Variants in TMEM200A observed in about 807,000 individuals in gnomAD.
TMEM200A encodes two transmembrane C.
TMEM200A carries 12 observed loss-of-function variants against 24.3 expected under a neutral mutation model. The ratio of observed to expected loss-of-function variants is 0.49; its 90% CI spans 0.32 to 0.80. The LOEUF is 0.80. Ranked by LOEUF, TMEM200A falls within the 30% of genes least tolerant of loss-of-function variation. The pLI is 0.04. For synonymous variants in TMEM200A, 224 were observed against 224.4 expected (o/e 1.00, Z 0.02); for missense variants, 545 against 614.4 (o/e 0.89, Z 1.19).
chr6:130,411,251 G>A (rs1779323942), intron 2 of TMEM200A, among the ~76,000 whole-genome samples: 1 of 151,936 alleles, frequency 6.6e-6, no homozygotes, highest in South Asian at 2.1e-4. Flanking sequence ...TGGGATGAAT[G>A]TCTTAGCTTA....
chr6:130,370,625 C>A (rs762838717), intron 1 of TMEM200A, among the ~76,000 whole-genome samples: 7 of 152,130 alleles, frequency 4.6e-5, no homozygotes, highest in Non-Finnish European at 1.0e-4. Context: ...AAAAGTGGGA[C>A]CTTTCTCCCA....
intron 2 of TMEM200A, among the ~76,000 whole-genome samples, chr6:130,397,782 C>A (rs1418272537): frequency 1.3e-5 from 2 of 151,248 alleles, no homozygotes; most frequent in East Asian, 3.9e-4. Context: ...GCATTGATTA[C>A]CCTTTCATAG....
At chr6:130,369,572 G>A (rs1778267809) in intron 1 of TMEM200A, among the ~76,000 whole-genome samples, 2 of 152,076 alleles carry the variant, frequency 1.3e-5, no homozygotes, top group Admixed American at 1.3e-4. Context: ...CTCCTCTAAG[G>A]TCCCCCTTTC....
intron 2 of TMEM200A, among the ~76,000 whole-genome samples, chr6:130,421,510 TTGTGTGTGTGTG>T (rs60156754): frequency 6.7e-6 from 1 of 148,928 alleles, no homozygotes; most frequent in African/African-American, 2.5e-5. Flanking sequence ...ACAGTTACCT[TTGTGTGTGTGTG>T]TGTGTGTGTG....
chr6:130,419,125 G>T (rs1026506617), intron 2 of TMEM200A, among the ~76,000 whole-genome samples: 1 of 152,100 alleles, frequency 6.6e-6, no homozygotes, highest in African/African-American at 2.4e-5. Context: ...CTACCTCTGT[G>T]AGATCCAATT....
intron 2 of TMEM200A, among the ~76,000 whole-genome samples, chr6:130,433,691 G>A (rs945484459): frequency 1.3e-5 from 2 of 152,200 alleles, no homozygotes; most frequent in Non-Finnish European, 2.9e-5. Context: ...TCAAGGCATA[G>A]ATTAATTTTT....
At chr6:130,398,841 T>C (rs1779016791) in intron 2 of TMEM200A, among the ~76,000 whole-genome samples, 1 of 152,038 alleles carries the variant, frequency 6.6e-6, no homozygotes, top group African/African-American at 2.4e-5. Context: ...AGTAAATTCT[T>C]ATTGCTATTT....
At position 130,441,840 on chromosome 6, in the gene TMEM200A, A is replaced by C; in HGVS notation, c.1418A>C (p.Glu473Ala). 6.2e-7 allele frequency: 1 copy of C among 1,613,508 alleles called. No individual in the cohort carries two copies. Among genetic ancestry groups the C allele is most frequent in the Non-Finnish European group, 8.5e-7 (1 of 1,179,840 alleles). Residue 473 changes from glutamate to alanine, a missense_variant, in exon 3 of 3, where the codon GAA becomes GCA. By Grantham distance (107) the Glu-to-Ala change is moderately radical. Transcript: ENST00000296978. ...AGATCTCACAATAATTTGAGTTTTG[A>C]ACATGATGAGTTTTTGAGTAACAAC... The part of the protein sequence containing the change: ...ISRSHNNLSF[E>A]HDEFLSNNLK...
intron 1 of TMEM200A, among the ~76,000 whole-genome samples, chr6:130,382,467 G>A (rs954267699): frequency 4.6e-5 from 7 of 152,186 alleles, no homozygotes; most frequent in Non-Finnish European, 7.3e-5. Context: ...CATCTCTTTC[G>A]TGGAGTCTTC....
intron 2 of TMEM200A, among the ~76,000 whole-genome samples, chr6:130,398,720 T>C (rs1489138782): frequency 6.6e-6 from 1 of 152,084 alleles, no homozygotes; most frequent in Non-Finnish European, 1.5e-5. Context: ...TTGATTCGAA[T>C]TTCTGTAATG....
chr6:130,439,683 G>GA (rs1303954864), intron 2 of TMEM200A, among the ~76,000 whole-genome samples: 1 of 152,182 alleles, frequency 6.6e-6, no homozygotes, highest in African/African-American at 2.4e-5. Flanking sequence ...ACTCTAGGGA[G>GA]AAGTTCTACT....
rs1354306746 is a variant in TMEM200A at position 130,443,033 on chromosome 6, T to C, written c.*1135T>C. ...GATTGTGTTTCTTAGTCACTGAAGA[T>C]AATAAATATTAAAATGGATGTTTTC... On this transcript the variant is annotated 3_prime_UTR_variant, in exon 3 of 3. Coordinates refer to ENST00000296978, the MANE Select transcript of TMEM200A (RefSeq NM_001258277.2). 1.2e-5 allele frequency: 2 copies of C among 166,844 alleles called. No homozygotes were observed. The highest frequency in any genetic ancestry group is 2.4e-5 in the African/African-American group (1 of 41,472). 10.3% of individuals were successfully genotyped at this position (166,844 alleles called of 1,614,324 possible). A position where few individuals can be genotyped will look rare whatever the true frequency, so the allele number is the denominator to read the frequency against.
chr6:130,365,929 G>A (rs1417051607), upstream of TMEM200A: 2 of 985,500 alleles, frequency 2.0e-6, no homozygotes, highest in Non-Finnish European at 2.4e-6. Context: ...TCGCAGGCGC[G>A]CAGCCACGCC....
chr6:130,378,581 G>A (rs1007295914), intron 1 of TMEM200A, among the ~76,000 whole-genome samples: 5 of 151,972 alleles, frequency 3.3e-5, no homozygotes, highest in Admixed American at 1.3e-4. Flanking sequence ...AAAATTAGCC[G>A]GGCATGGTGG....
intron 2 of TMEM200A, among the ~76,000 whole-genome samples, chr6:130,416,829 T>C (rs1395406767): frequency 6.6e-6 from 1 of 152,122 alleles, no homozygotes; most frequent in Non-Finnish European, 1.5e-5. Context: ...ATCTATGAAA[T>C]CTCAGATGGT....
chr6:130,426,139 T>C (rs922492469), intron 2 of TMEM200A, among the ~76,000 whole-genome samples: 1 of 152,116 alleles, frequency 6.6e-6, no homozygotes, highest in Admixed American at 6.6e-5. Flanking sequence ...CAAATGTAAA[T>C]ATTCCTTCTG....
At chr6:130,436,662 T>TTTTTTTC (rs1408022765) in intron 2 of TMEM200A, among the ~76,000 whole-genome samples, 4 of 128,276 alleles carry the variant, frequency 3.1e-5, no homozygotes, top group Non-Finnish European at 6.4e-5. Flanking sequence ...TTTTTTTTTT[T>TTTTTTTC]CAGAGAGACA....
chr6:130,389,368 C>T (rs185848444), intron 2 of TMEM200A, among the ~76,000 whole-genome samples: 6 of 151,748 alleles, frequency 4.0e-5, no homozygotes, highest in East Asian at 3.9e-4. Context: ...GATTTTGAAA[C>T]GGGCAGTCTC....
intron 2 of TMEM200A, among the ~76,000 whole-genome samples, chr6:130,436,662 T>TCC (rs1562573529): frequency 1.6e-5 from 2 of 128,278 alleles, no homozygotes; most frequent in African/African-American, 6.2e-5. Context: ...TTTTTTTTTT[T>TCC]CAGAGAGACA....
Sources: allele counts gnomAD v4.1 joint callset (sites outside exome capture counted in the v4.1 genomes callset), GRCh38; gene constraint gnomAD v4.1.1; transcripts MANE v1.5; gene names NCBI Gene and HGNC (gene_info 2026-07-23, HGNC 2026-07-21).